The following FOCAD variants were observed in gnomAD, a reference collection of about 807,000 sequenced individuals.
FOCAD encodes KIAA1797.
FOCAD carries 198 observed loss-of-function variants against 225.6 expected under a neutral mutation model. That is an observed-to-expected ratio of 0.88 (90% CI 0.78 to 0.99). The LOEUF is 0.99. FOCAD is among the 50% of genes least tolerant of loss of function. The pLI, the probability that FOCAD is intolerant of heterozygous loss-of-function variation, is 0.00. For missense variants in FOCAD, 2,713 were observed against 2,123.6 expected, an observed-to-expected ratio of 1.28 and a Z score of -5.46; for synonymous variants, 897 against 755.0, an observed-to-expected ratio of 1.19 and a Z score of -3.08.
intron 11 of FOCAD, among the ~76,000 whole-genome samples, chr9:20,808,870 T>C (rs187867181): frequency 6.6e-6 from 1 of 152,302 alleles, no homozygotes; most frequent in Non-Finnish European, 1.5e-5. Context: ...TTGCTGAAAG[T>C]AATTTTTAGT....
intron 27 of FOCAD, among the ~76,000 whole-genome samples, chr9:20,931,303 A>G (rs1183072764): frequency 6.6e-6 from 1 of 152,146 alleles, no homozygotes; most frequent in African/African-American, 2.4e-5. Context: ...CAGAATAACT[A>G]CAGATTTTAA....
Position 20,758,116 on chromosome 9 carries a change from TG to T in FOCAD, c.420del (p.Glu142AsnfsTer14). On this transcript the variant is annotated frameshift_variant, in exon 6 of 44. Coordinates refer to ENST00000338382, the MANE Select transcript of FOCAD (RefSeq NM_001375567.1). LOFTEE classifies it high-confidence loss of function. ...IRNHPHPLITVLEHRPDCWPV... is the reference protein window; with the variant it reads ...IRNHPHPLITXLEHRPDCWPV... ...AATCATCCTCATCCTTTGATAACTGTGCTTGAACACAGACCTGATTGCTGGC... is the reference window on the plus strand; with the variant it reads ...AATCATCCTCATCCTTTGATAACTGTCTTGAACACAGACCTGATTGCTGGC... 1 of 1,611,494 alleles carries T rather than the reference TG, an allele frequency of 6.2e-7. No individual in the cohort carries two copies. The highest frequency in any genetic ancestry group is 8.5e-7 in the Non-Finnish European group (1 of 1,179,012).
Position 20,916,948 on chromosome 9 carries a change from T to G in FOCAD, c.2852+11T>G. ...CAAGGCAGCTGCAAAGTAAGATCCA[T>G]TTAGTCTTTTATCAAACATTTTTTA... On this transcript the variant is annotated intron_variant, in intron 24 of 43. Transcript: ENST00000338382. The G allele has an allele frequency of 6.3e-7, 1 of 1,594,904 alleles. No individual in the cohort carries two copies. The highest frequency in any genetic ancestry group is 8.5e-7 in the Non-Finnish European group (1 of 1,171,866).
intron 28 of FOCAD, among the ~76,000 whole-genome samples, chr9:20,942,410 A>T (rs548094293): frequency 6.6e-6 from 1 of 152,208 alleles, no homozygotes; most frequent in African/African-American, 2.4e-5. Context: ...GTTAAACCCT[A>T]TTGGAATGAG....
At chr9:20,753,591 T>C (rs1173472482) in intron 5 of FOCAD, among the ~76,000 whole-genome samples, 2 of 152,052 alleles carry the variant, frequency 1.3e-5, no homozygotes, top group Non-Finnish European at 2.9e-5. Flanking sequence ...TTTGCATCAA[T>C]GTTCATCAAG....
intron 28 of FOCAD, among the ~76,000 whole-genome samples, chr9:20,939,828 G>A (rs953089930): frequency 1.3e-5 from 2 of 149,912 alleles, no homozygotes; most frequent in Admixed American, 6.7e-5. Context: ...ATGTATACAT[G>A]TGCCATGTTG....
At chr9:20,733,343 G>A (rs1003502806) in intron 4 of FOCAD, among the ~76,000 whole-genome samples, 6 of 152,000 alleles carry the variant, frequency 3.9e-5, no homozygotes, top group East Asian at 1.9e-4. Flanking sequence ...AGGAGATCAC[G>A]TTTAATTTTT....
Position 20,981,649 on chromosome 9 carries a change from C to A in FOCAD, c.4601C>A (p.Thr1534Asn), listed in dbSNP as rs1840710432. 12 of 1,611,492 alleles carry A rather than the reference C, an allele frequency of 7.4e-6. No individual in the cohort carries two copies. The highest frequency in any genetic ancestry group is 1.0e-5 in the Non-Finnish European group (12 of 1,179,004). Residue 1534 changes from threonine to asparagine, a missense_variant, in exon 38 of 44, where the codon ACT becomes AAT. Transcript: ENST00000338382. ...HHLWSLLSEA[T>N]GKIFDLLPNK... ...CTCTGGAGTCTGCTCTCTGAAGCTA[C>A]TGGGAAAATTTTTGACCTCCTGCCA...
At chr9:20,860,415 T>C (rs1828659256) in intron 15 of FOCAD, among the ~76,000 whole-genome samples, 1 of 152,174 alleles carries the variant, frequency 6.6e-6, no homozygotes, top group Non-Finnish European at 1.5e-5. Context: ...CATGGCCTTT[T>C]CTTCTGCCCT....
chr9:20,826,001 C>A, intron 15 of FOCAD, among the ~76,000 whole-genome samples: 1 of 152,006 alleles, frequency 6.6e-6, no homozygotes, highest in East Asian at 1.9e-4. Flanking sequence ...TTGTCCCTTC[C>A]TTAATGCTGT....
intron 41 of FOCAD, among the ~76,000 whole-genome samples, chr9:20,989,417 T>G (rs1466057172): frequency 1.3e-5 from 2 of 152,210 alleles, no homozygotes; most frequent in Non-Finnish European, 2.9e-5. Flanking sequence ...AAGTGTAGTT[T>G]AAATCACAGT....
At chr9:20,934,972 A>G (rs1466694299) in intron 28 of FOCAD, among the ~76,000 whole-genome samples, 1 of 152,228 alleles carries the variant, frequency 6.6e-6, no homozygotes, top group Non-Finnish European at 1.5e-5. Flanking sequence ...AAGAAATCAT[A>G]GATGACACAA....
intron 1 of FOCAD, among the ~76,000 whole-genome samples, chr9:20,699,412 A>T (rs1823652451): frequency 6.6e-6 from 1 of 151,892 alleles, no homozygotes; most frequent in Admixed American, 6.6e-5. Context: ...TATGAAAATC[A>T]TATATACTAG....
intron 5 of FOCAD, among the ~76,000 whole-genome samples, chr9:20,754,038 C>T (rs1828814194): frequency 6.6e-6 from 1 of 152,094 alleles, no homozygotes; most frequent in African/African-American, 2.4e-5. Context: ...CCACATTCTT[C>T]CCTTTTTTGA....
rs538975730 is a variant in FOCAD, at chr9:20,929,403, G to T, written c.3124G>T (p.Ala1042Ser). 1.2e-6 allele frequency: 2 copies of T among 1,614,038 alleles called. No homozygotes were observed. Among genetic ancestry groups the T allele is most frequent in the South Asian group, 2.2e-5 (2 of 91,070 alleles). ...ENTASAIARS[A>S]AATALSLLVP... is the part of the protein sequence containing the mutation. ...CACAGCTAGTGCCATTGCCCGTTCT[G>T]CTGCCGCCACGGCTTTGTCTCTCCT... The change falls in exon 27 of 44, where the codon GCT becomes TCT. Residue 1042 changes from alanine (A) to serine (S), a missense_variant. Coordinates refer to ENST00000338382, the MANE Select transcript of FOCAD (RefSeq NM_001375567.1).
At position 20,715,057 on chromosome 9, in the gene FOCAD, G is replaced by A. The variant is rs77959776; in HGVS notation, c.-32-265G>A. 0.022 allele frequency among the ~76,000 whole-genome samples: 3,400 copies of A among 151,980 alleles called. 125 individuals carry two copies. Among genetic ancestry groups the A allele is most frequent in the African/African-American group, 0.078 (3,245 of 41,446 alleles). ...ACTTTTGGATGTTTTTTTCATTTCC[G>A]TAGTGCAAATTCATCTTTTTCAGGA... On this transcript the variant is annotated intron_variant, in intron 1 of 43. Coordinates refer to ENST00000338382, the MANE Select transcript of FOCAD (RefSeq NM_001375567.1).
intron 15 of FOCAD, among the ~76,000 whole-genome samples, chr9:20,840,015 C>A (rs1269516980): frequency 6.6e-6 from 1 of 152,028 alleles, no homozygotes; most frequent in African/African-American, 2.4e-5. Context: ...TTCCGTTGGT[C>A]TATGTGTCTG....
chr9:20,785,775 G>T (rs1400295894), intron 10 of FOCAD, among the ~76,000 whole-genome samples: 6 of 152,250 alleles, frequency 3.9e-5, no homozygotes, highest in African/African-American at 1.4e-4. Flanking sequence ...ATACCGAGGA[G>T]TACAACTGCT....
chr9:20,884,929 C>G (rs1830981898), intron 20 of FOCAD, among the ~76,000 whole-genome samples, 180 bp from the exon 21 acceptor site: 2 of 151,898 alleles, frequency 1.3e-5, no homozygotes, highest in African/African-American at 4.8e-5. Context: ...CATGGTGGCA[C>G]ACGCTTGTAG....
Sources: gnomAD v4.1 joint callset for allele counts (sites outside exome capture counted in the v4.1 genomes callset) on GRCh38, gnomAD v4.1.1 for gene constraint, MANE v1.5 for transcripts, NCBI Gene and HGNC (gene_info 2026-07-23, HGNC 2026-07-21) for gene names.